Variants in SPIRE1 observed in about 807,000 individuals in gnomAD.
SPIRE1 encodes protein spire homolog 1.
SPIRE1 carries 40 observed loss-of-function variants against 94.1 expected under a neutral mutation model. The ratio of observed to expected loss-of-function variants is 0.43; its 90% CI spans 0.33 to 0.55. The LOEUF (loss-of-function observed/expected upper bound fraction) is 0.55, where lower values mean the gene tolerates loss of function less well. Ranked by LOEUF, SPIRE1 falls within the 20% of genes least tolerant of loss-of-function variation. SPIRE1 has a pLI of 0.06. For synonymous variants in SPIRE1, 376 were observed against 371.7 expected (o/e 1.01, Z -0.13); for missense variants, 838 against 975.2 (o/e 0.86, Z 1.87).
At chr18:12,661,355 AC>A (rs1426357878), upstream of SPIRE1, 12 of 984,640 alleles carry the variant, frequency 1.2e-5, no homozygotes, top group Non-Finnish European at 1.4e-5. Flanking sequence ...ATCCATCATC[AC>A]AACACTCTGA....
At chr18:12,634,411 G>A (rs76173531) in intron 2 of SPIRE1, among the ~76,000 whole-genome samples, 11,106 of 151,368 alleles carry the variant, frequency 0.073, 567 homozygotes, top group Non-Finnish European at 0.11. Context: ...TTTAAATGCT[G>A]TATTTATTAT....
At chr18:12,453,366 A>AGT (rs2031338839) in intron 13 of SPIRE1, among the ~76,000 whole-genome samples, 1 of 152,118 alleles carries the variant, frequency 6.6e-6, no homozygotes, top group Non-Finnish European at 1.5e-5. Context: ...ACAGCTCTTA[A>AGT]GTGTCTCCTC....
chr18:12,588,423 T>C (rs948301), intron 2 of SPIRE1: 84,778 of 151,642 alleles, frequency 0.56, 24,887 homozygotes, highest in Middle Eastern at 0.75. Flanking sequence ...AAATAGGCTG[T>C]CAAAATATAA....
At chr18:12,473,550 A>G (rs1187824620) in intron 10 of SPIRE1, among the ~76,000 whole-genome samples, 2 of 152,214 alleles carry the variant, frequency 1.3e-5, no homozygotes, top group Non-Finnish European at 2.9e-5. Context: ...ATCATGTTGG[A>G]AAAGGACATT....
chr18:12,657,989 C>A lies in SPIRE1; in HGVS notation c.-123G>T. ...GAACCGCCGCCGCCCAACGCGGCCG[C>A]GCGCGCCGCCGCCGGGACCAGGCGA... On this transcript the variant is annotated 5_prime_UTR_variant, in exon 1 of 17. Transcript: ENST00000409402. 1.0e-6 allele frequency: 1 copy of A among 992,062 alleles called. No homozygotes were observed. The highest frequency in any genetic ancestry group is 1.2e-6 in the Non-Finnish European group (1 of 835,106). The allele number at this position is 992,062 out of a possible 1,614,324, so 61.5% of individuals were successfully genotyped here. A position where few individuals can be genotyped will look rare whatever the true frequency, so the allele number is the denominator to read the frequency against.
At chr18:12,516,534 T>TA (rs2034200377) in intron 4 of SPIRE1, among the ~76,000 whole-genome samples, 1 of 152,160 alleles carries the variant, frequency 6.6e-6, no homozygotes, top group African/African-American at 2.4e-5. Flanking sequence ...CAACTATGCC[T>TA]AAAACTAGCT....
intron 2 of SPIRE1, among the ~76,000 whole-genome samples, chr18:12,633,031 T>A (rs1375527973): frequency 6.6e-6 from 1 of 152,184 alleles, no homozygotes; most frequent in Non-Finnish European, 1.5e-5. Flanking sequence ...TCTTTAAAAA[T>A]TTCATAAGCT....
chr18:12,495,627 G>C (rs2033429960), intron 7 of SPIRE1, among the ~76,000 whole-genome samples: 1 of 152,196 alleles, frequency 6.6e-6, no homozygotes, highest in Admixed American at 6.5e-5. Flanking sequence ...AGTGGCTCAT[G>C]TCTGTAATCC....
chr18:12,638,211 G>A (rs1459272714), intron 1 of SPIRE1, among the ~76,000 whole-genome samples: 2 of 152,188 alleles, frequency 1.3e-5, no homozygotes, highest in Admixed American at 6.5e-5. Context: ...TTGGGAGGCT[G>A]AGGTGGGAGG....
chr18:12,501,072 C>CAAAAA (rs67894900), intron 6 of SPIRE1, among the ~76,000 whole-genome samples: 38 of 80,240 alleles, frequency 4.7e-4, no homozygotes, highest in Non-Finnish European at 6.8e-4. Context: ...AACTCTGTCT[C>CAAAAA]AAAAAAAAAA....
At chr18:12,547,614 TTCTCTCTCTCTCTGTG>T (rs2035211688) in intron 2 of SPIRE1, among the ~76,000 whole-genome samples, 1 of 152,006 alleles carries the variant, frequency 6.6e-6, no homozygotes, top group Non-Finnish European at 1.5e-5. Flanking sequence ...AATTTTATTG[TTCTCTCTCTCTCTGTG>T]TCTCTCTCTC....
intron 2 of SPIRE1, among the ~76,000 whole-genome samples, chr18:12,552,137 A>G (rs1303867919): frequency 1.3e-5 from 2 of 152,214 alleles, no homozygotes; most frequent in Admixed American, 1.3e-4. Context: ...CCGTAGTGGG[A>G]ACTTGAGTTC....
chr18:12,628,494 T>C (rs12604402), intron 2 of SPIRE1, among the ~76,000 whole-genome samples: 85,008 of 151,900 alleles, frequency 0.56, 24,953 homozygotes, highest in Middle Eastern at 0.75. Flanking sequence ...ATGCCTCCAG[T>C]TTTGTTCTTT....
intron 2 of SPIRE1, among the ~76,000 whole-genome samples, chr18:12,617,398 T>C (rs1344331679): frequency 2.6e-5 from 4 of 151,242 alleles, no homozygotes; most frequent in Non-Finnish European, 5.9e-5. Flanking sequence ...TGTTTTTTGT[T>C]TTAGTTGTTT....
intron 2 of SPIRE1, among the ~76,000 whole-genome samples, chr18:12,626,530 A>G (rs1459861090): frequency 6.6e-6 from 1 of 152,188 alleles, no homozygotes; most frequent in Non-Finnish European, 1.5e-5. Flanking sequence ...TCCGTTGGCT[A>G]TAAAATGCCA....
intron 5 of SPIRE1, among the ~76,000 whole-genome samples, chr18:12,510,377 ATATC>A (rs1195583354): frequency 1.3e-5 from 2 of 152,160 alleles, no homozygotes; most frequent in Non-Finnish European, 2.9e-5. Context: ...AGCTTATTGT[ATATC>A]TATTATATCT....
rs187115928 is a variant in SPIRE1 at position 12,598,934 on chromosome 18, C to A, written c.372+36128G>T. 4.9e-4 allele frequency among the ~76,000 whole-genome samples: 74 copies of A among 152,206 alleles called. 1 individual carries two copies. Among genetic ancestry groups the A allele is most frequent in the Non-Finnish European group, 8.1e-4 (55 of 68,020 alleles). On this transcript the variant is annotated intron_variant, in intron 2 of 16. Transcript: ENST00000409402. ...ATATAATTTTAAACTTACAGAAACG[C>A]CTCAAAAATATACAGAAATTATCAG...
In SPIRE1 at chr18:12,513,192, G is replaced by T. The variant is rs149895014; in HGVS notation, c.730-661C>A. Among the ~76,000 whole-genome samples the T allele has an allele frequency of 1.1e-3, 168 of 152,220 alleles. 1 individual carries two copies. Among genetic ancestry groups the T allele is most frequent in the East Asian group, 6.6e-3 (34 of 5,178 alleles). On this transcript the variant is annotated intron_variant, in intron 4 of 16. Coordinates refer to ENST00000409402, the MANE Select transcript of SPIRE1 (RefSeq NM_001128626.2). ...TCAATATATATTTATCAAGTAATTT[G>T]ATGAGTACATTTTAATTGATAAAAA...
intron 6 of SPIRE1, among the ~76,000 whole-genome samples, chr18:12,505,430 T>A (rs945408520): frequency 6.6e-6 from 1 of 151,848 alleles, no homozygotes; most frequent in Non-Finnish European, 1.5e-5. Flanking sequence ...CGCACACCTG[T>A]GGTCCCAGAT....
Sources: allele counts gnomAD v4.1 joint callset (sites outside exome capture counted in the v4.1 genomes callset), GRCh38; gene constraint gnomAD v4.1.1; transcripts MANE v1.5; gene names NCBI Gene and HGNC (gene_info 2026-07-23, HGNC 2026-07-21).